ZBBX: variants seen among roughly 807,000 people sequenced by gnomAD.
ZBBX encodes zinc finger B-box domain-containing protein 1.
ZBBX carries 101 observed loss-of-function variants against 108.5 expected under a neutral mutation model. That is an observed-to-expected ratio of 0.93 (90% CI 0.79 to 1.10). ZBBX has a LOEUF of 1.10. Among genes scored for constraint, ZBBX ranks in the 50% least tolerant of loss-of-function variants. The pLI is 0.00. For missense variants in ZBBX, 1,009 were observed against 941.4 expected, an observed-to-expected ratio of 1.07 and a Z score of -0.94; for synonymous variants, 356 against 323.4, an observed-to-expected ratio of 1.10 and a Z score of -1.08.
chr3:167,382,719 G>T (rs1342855752), upstream of ZBBX, among the ~76,000 whole-genome samples: 1 of 151,988 alleles, frequency 6.6e-6, no homozygotes, highest in Non-Finnish European at 1.5e-5. Flanking sequence ...GATAATCTGA[G>T]CATTACATGA....
intron 17 of ZBBX, among the ~76,000 whole-genome samples, chr3:167,301,272 C>A (rs1732623409): frequency 6.6e-6 from 1 of 152,134 alleles, no homozygotes; most frequent in Non-Finnish European, 1.5e-5. Flanking sequence ...TCACAGCTAT[C>A]CTGACAGACT....
At chr3:167,190,757 G>A in the ZBBX span, among the ~76,000 whole-genome samples, 1 of 152,170 alleles carries the variant, frequency 6.6e-6, no homozygotes, top group Non-Finnish European at 1.5e-5. Context: ...TCTGATGCAG[G>A]ACCATTCACT....
chr3:167,262,394 C>T (rs889252058), intron 20 of ZBBX, among the ~76,000 whole-genome samples: 2 of 152,326 alleles, frequency 1.3e-5, no homozygotes, highest in South Asian at 2.1e-4. Flanking sequence ...CATAATCTCC[C>T]GCATTCTCTA....
the ZBBX span, among the ~76,000 whole-genome samples, chr3:167,190,672 G>A: frequency 3.0e-3 from 461 of 152,228 alleles, 2 homozygotes; most frequent in African/African-American, 0.01. Flanking sequence ...GAGCCACCGC[G>A]TCCGGCCCAT....
chr3:167,376,904 A>T (rs948552850), intron 2 of ZBBX, among the ~76,000 whole-genome samples: 1 of 152,212 alleles, frequency 6.6e-6, no homozygotes, highest in Non-Finnish European at 1.5e-5. Context: ...TAGCAAGGAT[A>T]TAACAATGTC....
At chr3:167,375,511 G>T (rs1173489306) in intron 2 of ZBBX, among the ~76,000 whole-genome samples, 1 of 151,982 alleles carries the variant, frequency 6.6e-6, no homozygotes, top group African/African-American at 2.4e-5. Flanking sequence ...AGAATCGCTT[G>T]AACCCGGGAG....
chr3:167,184,096 C>T, the ZBBX span, among the ~76,000 whole-genome samples: 1 of 152,204 alleles, frequency 6.6e-6, no homozygotes, highest in South Asian at 2.1e-4. Flanking sequence ...TGAAGAAATT[C>T]AGTGAAAGGG....
chr3:167,346,588 T>C (rs553272006), intron 9 of ZBBX, among the ~76,000 whole-genome samples: 1 of 151,940 alleles, frequency 6.6e-6, no homozygotes, highest in Non-Finnish European at 1.5e-5. Flanking sequence ...CCTAGAATAC[T>C]TGCTTTTTAT....
At position 167,327,705 on chromosome 3, in the gene ZBBX, G is replaced by A. The variant is rs74501489; in HGVS notation, c.862+237C>T. 2.5e-3 allele frequency among the ~76,000 whole-genome samples: 378 copies of A among 152,160 alleles called. 4 individuals carry two copies. The highest frequency in any genetic ancestry group is 8.5e-3 in the African/African-American group (351 of 41,528). ...GGGAGGCAGGCAGGTCAGGAGGCCA[G>A]GAGTTTGAGACCAGCCTGCCCAACA... On this transcript the variant is annotated intron_variant, in intron 11 of 21. Coordinates refer to ENST00000675490, the MANE Select transcript of ZBBX (RefSeq NM_001199201.2).
chr3:167,286,630 C>A (rs1278319282), intron 19 of ZBBX, among the ~76,000 whole-genome samples: 1 of 152,008 alleles, frequency 6.6e-6, no homozygotes, highest in Non-Finnish European at 1.5e-5. Context: ...TAGTGTTGGG[C>A]TTGATTTTAG....
At chr3:167,324,602 G>A (rs763055463) in intron 11 of ZBBX, among the ~76,000 whole-genome samples, 4 of 152,052 alleles carry the variant, frequency 2.6e-5, no homozygotes, top group Admixed American at 1.3e-4. Context: ...ACCAATTATC[G>A]TCAGAAATCT....
intron 1 of ZBBX, among the ~76,000 whole-genome samples, chr3:167,405,542 TGAA>T (rs1560218551): frequency 1.3e-5 from 2 of 152,166 alleles, no homozygotes; most frequent in South Asian, 4.1e-4. Flanking sequence ...GTAATTTTCA[TGAA>T]GAAGTGTGAT....
At chr3:167,284,094 G>A (rs1174713866) in intron 19 of ZBBX, among the ~76,000 whole-genome samples, 2 of 151,798 alleles carry the variant, frequency 1.3e-5, no homozygotes, top group East Asian at 3.9e-4. Context: ...ATAAAATTAT[G>A]AGTAAGTTAA....
At chr3:167,186,133 G>A in the ZBBX span, among the ~76,000 whole-genome samples, 3 of 151,738 alleles carry the variant, frequency 2.0e-5, no homozygotes, top group South Asian at 6.2e-4. Context: ...CTTACTGGTA[G>A]ATAAAAATGG....
intron 20 of ZBBX, among the ~76,000 whole-genome samples, chr3:167,276,703 A>C (rs534605721): frequency 6.6e-6 from 1 of 152,352 alleles, no homozygotes; most frequent in East Asian, 1.9e-4. Context: ...TCCCCAACCT[A>C]GCAAGGCAGG....
rs966812631 is a variant in ZBBX, at chr3:167,379,639, T to C, written c.-133A>G. The C allele has an allele frequency of 2.0e-5, 3 of 152,332 alleles. No homozygotes were observed. Among genetic ancestry groups the C allele is most frequent in the African/African-American group, 7.2e-5 (3 of 41,578 alleles). 9.4% of individuals were successfully genotyped at this position (152,332 alleles called of 1,614,324 possible). A position where few individuals can be genotyped will look rare whatever the true frequency, so the allele number is the denominator to read the frequency against. ...TATATATAACTGAACCTTACATACC[T>C]GAGTCCCTCTACTGCTGATTTTGGG... On this transcript the variant is annotated splice_region_variant and 5_prime_UTR_variant, in exon 2 of 22. Coordinates refer to ENST00000675490, the MANE Select transcript of ZBBX (RefSeq NM_001199201.2).
At chr3:167,239,587 G>A (rs187026996), downstream of ZBBX, among the ~76,000 whole-genome samples, 1 of 151,902 alleles carries the variant, frequency 6.6e-6, no homozygotes, top group Admixed American at 6.6e-5. Flanking sequence ...TTACTTTATT[G>A]TAAGAATACA....
chr3:167,407,804 T>G (rs1748633630), exon 1 of ZBBX, among the ~76,000 whole-genome samples: 1 of 152,054 alleles, frequency 6.6e-6, no homozygotes, highest in South Asian at 2.1e-4. Flanking sequence ...AAAGCAAATC[T>G]CACGCAGTCG....
chr3:167,265,478 T>C (rs78846381), intron 20 of ZBBX, among the ~76,000 whole-genome samples: 1 of 152,260 alleles, frequency 6.6e-6, no homozygotes, highest in East Asian at 1.9e-4. Context: ...CCCTCCTTAC[T>C]CTTCACTCTC....
Sources: allele counts gnomAD v4.1 joint callset (sites outside exome capture counted in the v4.1 genomes callset), GRCh38; gene constraint gnomAD v4.1.1; transcripts MANE v1.5; gene names NCBI Gene and HGNC (gene_info 2026-07-23, HGNC 2026-07-21).